The following BIRC6 variants were observed in gnomAD, a reference collection of about 807,000 sequenced individuals.
BIRC6 encodes baculoviral IAP repeat containing 6.
BIRC6 carries 98 observed loss-of-function variants against 503.3 expected under a neutral mutation model. The observed-to-expected ratio is 0.19, with a 90% CI of 0.17 to 0.23. BIRC6 has a LOEUF of 0.23. Ranked by LOEUF, BIRC6 falls within the 10% of genes least tolerant of loss-of-function variation. BIRC6 has a pLI of 1.00. For missense variants in BIRC6, 5,360 were observed against 5,806.0 expected (o/e 0.92, Z 2.50); for synonymous variants, 2,240 against 2,078.7 (o/e 1.08, Z -2.11).
At chr2:32,612,782 T>G (rs1368799153) in intron 73 of BIRC6, among the ~76,000 whole-genome samples, 1 of 152,236 alleles carries the variant, frequency 6.6e-6, no homozygotes, top group Non-Finnish European at 1.5e-5. Flanking sequence ...TCTGCCCACT[T>G]CTGCATATGT....
intron 10 of BIRC6, 71 bp from the exon 11 acceptor site, chr2:32,429,075 A>C (rs2043830754): frequency 7.8e-7 from 1 of 1,282,170 alleles, no homozygotes; most frequent in Admixed American, 2.6e-5. Context: ...TTGTTTCCTA[A>C]GTAGTATTAC....
At chr2:32,519,010 G>A in intron 57 of BIRC6, 64 bp downstream of exon 57, 2 of 1,478,610 alleles carry the variant, frequency 1.4e-6, no homozygotes, top group East Asian at 2.4e-5. Context: ...GAGGTTTATT[G>A]TTTTTATAAC....
At position 32,513,134 on chromosome 2, in the gene BIRC6, C is replaced by T; in HGVS notation, c.10548C>T (p.Leu3516=). ...ELLVEYDLPA[L]LDQELFELLF... ...TTGTAGAATATGACTTACCAGCACT[C>T]CTGGACCAAGAGCTCTTTGAGTAAG... The change falls in exon 54 of 74, where the codon CTC becomes CTT. Residue 3516 remains leucine (L), a synonymous_variant. Transcript: ENST00000421745. 1 of 1,613,400 alleles carries T rather than the reference C, an allele frequency of 6.2e-7. No individual in the cohort carries two copies. Among genetic ancestry groups the T allele is most frequent in the Non-Finnish European group, 8.5e-7 (1 of 1,179,584 alleles).
chr2:32,508,403 T>G (rs2054036419), intron 51 of BIRC6, 144 bp downstream of exon 51: 2 of 1,138,222 alleles, frequency 1.8e-6, no homozygotes, highest in South Asian at 1.8e-5. Flanking sequence ...TAATACAATT[T>G]TATTAGGTGT....
intron 15 of BIRC6, 30 bp downstream of exon 15, chr2:32,436,214 T>C: frequency 7.3e-7 from 1 of 1,373,130 alleles, no homozygotes; most frequent in Non-Finnish European, 9.6e-7. Flanking sequence ...AAAAGCAGAA[T>C]TAATAATACC....
At chr2:32,473,360 T>G in intron 33 of BIRC6, 121 bp downstream of exon 33, 1 of 769,972 alleles carries the variant, frequency 1.3e-6, no homozygotes, top group Non-Finnish European at 2.0e-6. Flanking sequence ...CTTAGGAAAA[T>G]CATCTAACAC....
intron 20 of BIRC6, 110 bp downstream of exon 20, chr2:32,443,698 G>A (rs1019744496): frequency 2.4e-6 from 2 of 846,430 alleles, no homozygotes; most frequent in Non-Finnish European, 3.5e-6. Flanking sequence ...TCACTTTTCT[G>A]TGGCTTATCT....
At chr2:32,384,791 A>G (rs2038203757) in intron 3 of BIRC6, among the ~76,000 whole-genome samples, 1 of 152,202 alleles carries the variant, frequency 6.6e-6, no homozygotes, top group African/African-American at 2.4e-5. Context: ...TCCATTGAGC[A>G]AGCACTGGAG....
intron 2 of BIRC6, among the ~76,000 whole-genome samples, chr2:32,378,699 C>T (rs548156362): frequency 3.3e-5 from 5 of 152,194 alleles, no homozygotes; most frequent in Admixed American, 2.6e-4. Context: ...TCAATTGATC[C>T]GCCCGCCTCA....
intron 21 of BIRC6, among the ~76,000 whole-genome samples, chr2:32,448,516 C>T (rs1268188496): frequency 3.3e-5 from 5 of 152,140 alleles, no homozygotes; most frequent in Admixed American, 2.0e-4. Flanking sequence ...TCAGGCGTGG[C>T]GACGCGCGCC....
intron 9 of BIRC6, among the ~76,000 whole-genome samples, chr2:32,409,284 C>T (rs527303516): frequency 2.6e-5 from 4 of 151,946 alleles, no homozygotes; most frequent in East Asian, 1.9e-4. Flanking sequence ...CTCAGCCTCC[C>T]GAGTAGCTGG....
rs758024951 is a variant in BIRC6 at position 32,515,644 on chromosome 2, T to C, written c.11223T>C (p.Ala3741=). The C allele has an allele frequency of 1.2e-6, 2 of 1,611,614 alleles. No homozygotes were observed. Among genetic ancestry groups the C allele is most frequent in the South Asian group, 2.2e-5 (2 of 91,090 alleles). The stretch of plus-strand genomic sequence containing the variant: ...CACAACAGACCAGTGCAAGATCAGC[T>C]TCTCTTTCTTCAGCTGCTACAACAG... ...LGAQQTSARS[A]SLSSAATTGL... is the part of the protein sequence containing the mutation. Residue 3741 remains alanine (A), a synonymous_variant, in exon 55 of 74, where the codon GCT becomes GCC. Transcript: ENST00000421745.
chr2:32,525,088 AG>A, intron 58 of BIRC6, 69 bp downstream of exon 58: 1 of 1,319,538 alleles, frequency 7.6e-7, no homozygotes. Flanking sequence ...TTTTAGTTAC[AG>A]GAAATTTATG....
At chr2:32,446,417 T>A (rs2045950767) in intron 21 of BIRC6, among the ~76,000 whole-genome samples, 1 of 152,222 alleles carries the variant, frequency 6.6e-6, no homozygotes. Flanking sequence ...CTTGCCTGAT[T>A]GTCTACGTTT....
chr2:32,497,283 A>G (rs56001387), intron 45 of BIRC6, among the ~76,000 whole-genome samples: 28,765 of 152,164 alleles, frequency 0.19, 2,934 homozygotes, highest in Admixed American at 0.27. Flanking sequence ...AGCTGGCCCA[A>G]TCGGCATATG....
At chr2:32,476,448 G>GT in intron 34 of BIRC6, 104 bp downstream of exon 34, 1 of 1,255,388 alleles carries the variant, frequency 8.0e-7, no homozygotes, top group Non-Finnish European at 1.1e-6. Context: ...GCTTAACAGA[G>GT]AAGCCAACCT....
At position 32,467,600 on chromosome 2, in the gene BIRC6, A is replaced by C; in HGVS notation, c.5432A>C (p.Asp1811Ala). 6.2e-7 allele frequency: 1 copy of C among 1,613,810 alleles called. No homozygotes were observed. Among genetic ancestry groups the C allele is most frequent in the Non-Finnish European group, 8.5e-7 (1 of 1,179,840 alleles). The change falls in exon 27 of 74, where the codon GAC becomes GCC. Residue 1811 changes from aspartate (D) to alanine (A), a missense_variant. Physicochemically the swap from Asp to Ala is moderately radical, Grantham distance 126. Around this residue, in one of 16 missense-constraint regions of BIRC6, gnomAD observed 2,299 missense variants for 2,267.2 expected, o/e 1.01. Coordinates refer to ENST00000421745, the MANE Select transcript of BIRC6 (RefSeq NM_016252.4). ...GATGTATTGATTCCCACTTGTGGAG[A>C]CTTGGCCTCTTTGTCAATTGACATT... ...LTDVLIPTCG[D>A]LASLSIDIWT...
intron 33 of BIRC6, among the ~76,000 whole-genome samples, chr2:32,475,828 G>C (rs1209522157): frequency 6.6e-6 from 1 of 151,892 alleles, no homozygotes; most frequent in East Asian, 1.9e-4. Context: ...ACCAAAATGT[G>C]TACTACTCTT....
In BIRC6 at chr2:32,435,483, C is replaced by T. The variant is rs2044596165; in HGVS notation, c.3410-13C>T. Reference sequence around the variant, plus strand: ...AGCAGTAGATAGGCAGATCACCTTTCCTTTGTCTCCAGCTCTTAACATTGA... The same window carrying T: ...AGCAGTAGATAGGCAGATCACCTTTTCTTTGTCTCCAGCTCTTAACATTGA... On this transcript the variant is annotated splice_polypyrimidine_tract_variant and intron_variant, in intron 13 of 73. Transcript: ENST00000421745. 1 of 1,547,568 alleles carries T rather than the reference C, an allele frequency of 6.5e-7. No individual in the cohort carries two copies. The highest frequency in any genetic ancestry group is 8.7e-7 in the Non-Finnish European group (1 of 1,145,806).
Sources: gnomAD v4.1 joint callset for allele counts (sites outside exome capture counted in the v4.1 genomes callset) on GRCh38, gnomAD v4.1.1 for gene constraint, gnomAD v4.1.1 regional missense constraint, MANE v1.5 for transcripts, NCBI Gene and HGNC (gene_info 2026-07-23, HGNC 2026-07-21) for gene names.